The following LECT2 variants were observed in gnomAD, a reference collection of about 807,000 sequenced individuals.
LECT2 encodes the protein leukocyte cell derived chemotaxin 2, also known as leukocyte cell-derived chemotaxin-2.
Under a neutral mutation model 16.6 loss-of-function variants are expected in LECT2, and 11 were observed. The ratio of observed to expected loss-of-function variants is 0.66; its 90% CI spans 0.42 to 1.09. LECT2 has a LOEUF of 1.09. Ranked by LOEUF, LECT2 falls within the 50% of genes least tolerant of loss-of-function variation. The pLI is 0.00. For missense variants in LECT2, 173 were observed against 184.2 expected, an observed-to-expected ratio of 0.94 and a Z score of 0.35; for synonymous variants, 54 against 64.8, an observed-to-expected ratio of 0.83 and a Z score of 0.80.
chr5:135,947,422 GT>G lies in LECT2; in HGVS notation c.364del (p.Thr122LeufsTer76). 1 of 1,614,038 alleles carries G rather than the reference GT, an allele frequency of 6.2e-7. No homozygotes were observed. The highest frequency in any genetic ancestry group is 8.5e-7 in the Non-Finnish European group (1 of 1,179,936). ...GPIKKGEKLG[T>X]LLPLQKVYPG... is the part of the protein sequence containing the mutation. ...ATAAACTTTCTGCAAGGGCAATAGA[GT>G]TCCAAGTTTTTCTCCCTTCTTAATA... On this transcript the variant is annotated frameshift_variant, in exon 4 of 4. Coordinates refer to ENST00000274507, the MANE Select transcript of LECT2 (RefSeq NM_002302.3). LOFTEE classifies it high-confidence loss of function.
At chr5:135,949,480 C>G (rs927652252) in intron 3 of LECT2, among the ~76,000 whole-genome samples, 4 of 152,336 alleles carry the variant, frequency 2.6e-5, no homozygotes, top group Admixed American at 2.6e-4. Context: ...AGCCCCTAGT[C>G]TGACTGGTGA....
chr5:135,953,052 T>G, intron 1 of LECT2, 85 bp from the exon 2 acceptor site: 1 of 831,528 alleles, frequency 1.2e-6, no homozygotes, highest in Non-Finnish European at 2.0e-6. Flanking sequence ...CAGTTGATCC[T>G]GACAATTCTG....
In LECT2 at chr5:135,954,787, C is replaced by G. The variant is rs1384431103; in HGVS notation, c.46+1G>C. The G allele has an allele frequency of 6.2e-7, 1 of 1,610,708 alleles. No homozygotes were observed. The highest frequency in any genetic ancestry group is 1.3e-5 in the African/African-American group (1 of 74,858). Reference sequence around the variant, plus strand: ...ATTCTAAAATTGCACTTTCGACTTACCGGTAGAAATCAGACCAGCCAAAAG... The same window carrying G: ...ATTCTAAAATTGCACTTTCGACTTAGCGGTAGAAATCAGACCAGCCAAAAG... On this transcript the variant is annotated splice_donor_variant, in intron 1 of 3. Transcript: ENST00000274507. LOFTEE classifies it high-confidence loss of function.
intron 2 of LECT2, 50 bp from the exon 3 acceptor site, chr5:135,951,418 T>C: frequency 6.5e-7 from 1 of 1,548,222 alleles, no homozygotes; most frequent in Non-Finnish European, 8.8e-7. Context: ...TTAGGGGAGC[T>C]TTACTGCCTG....
In LECT2 at chr5:135,954,860, CT is replaced by C. The variant is rs1561586598; in HGVS notation, c.-28del. The stretch of plus-strand genomic sequence containing the variant: ...TGGTTTTACTTCCTTTAGTTTCTTC[CT>C]CTGATTAGAGTTGCCCCCACACTCT... On this transcript the variant is annotated 5_prime_UTR_variant, in exon 1 of 4. Transcript: ENST00000274507. The C allele has an allele frequency of 1.3e-6, 2 of 1,581,422 alleles. No homozygotes were observed.
intron 3 of LECT2, among the ~76,000 whole-genome samples, chr5:135,949,143 G>A (rs548133599): frequency 6.6e-6 from 1 of 152,200 alleles, no homozygotes; most frequent in Non-Finnish European, 1.5e-5. Context: ...AGTGAAGGAA[G>A]ACCTAAGTAA....
At chr5:135,949,484 C>T (rs1396710964) in intron 3 of LECT2, among the ~76,000 whole-genome samples, 2 of 152,208 alleles carry the variant, frequency 1.3e-5, no homozygotes, top group Non-Finnish European at 2.9e-5. Context: ...CCTAGTCTGA[C>T]TGGTGAACCA....
chr5:135,954,709 C>G (rs1031626251), intron 1 of LECT2, 79 bp downstream of exon 1: 15 of 1,031,928 alleles, frequency 1.5e-5, no homozygotes, highest in Non-Finnish European at 2.3e-5. Context: ...CTATTAATGA[C>G]TTTTTAATCT....
Position 135,954,960 on chromosome 5 carries a change from T to C in LECT2, c.-127A>G, listed in dbSNP as rs144971571. ...TTAGAATTCTGCATCTCTCATTTCTTTAGTGTGAGACACAAAAAGTTTAAG... is the reference window on the plus strand; with the variant it reads ...TTAGAATTCTGCATCTCTCATTTCTCTAGTGTGAGACACAAAAAGTTTAAG... On this transcript the variant is annotated 5_prime_UTR_variant, in exon 1 of 4. Coordinates refer to ENST00000274507, the MANE Select transcript of LECT2 (RefSeq NM_002302.3). 263 of 697,666 alleles carry C rather than the reference T, an allele frequency of 3.8e-4. 3 individuals are homozygous for C. The highest frequency in any genetic ancestry group is 3.4e-3 in the South Asian group (175 of 51,550). The allele number at this position is 697,666 out of a possible 1,614,324, so 43.2% of individuals were successfully genotyped here.
chr5:135,951,359 C>T lies in LECT2; in HGVS notation c.153G>A (p.Arg51=), dbSNP rs752403662. ...ACAAGATGTCCACACCCTGGTGAGG[C>T]CTCTGACTTCTAGGATGTAAATAAG... ...CGQYSAQRSQ[R]PHQGVDILCS... Residue 51 remains arginine, a synonymous_variant, in exon 3 of 4, where the codon AGG becomes AGA. Transcript: ENST00000274507. 7.7e-5 allele frequency: 124 copies of T among 1,613,180 alleles called. No individual in the cohort carries two copies. Among genetic ancestry groups the T allele is most frequent in the South Asian group, 3.6e-4 (33 of 90,824 alleles).
chr5:135,948,133 G>C (rs1763728992), intron 3 of LECT2, among the ~76,000 whole-genome samples: 1 of 152,202 alleles, frequency 6.6e-6, no homozygotes, highest in East Asian at 1.9e-4. Flanking sequence ...CAATAAGAAA[G>C]CAAGGGCTAT....
chr5:135,952,851 G>A lies in LECT2; in HGVS notation c.143+20C>T. 2 of 1,571,068 alleles carry A rather than the reference G, an allele frequency of 1.3e-6. No individual in the cohort carries two copies. Among genetic ancestry groups the A allele is most frequent in the East Asian group, 2.2e-5 (1 of 44,636 alleles). The stretch of plus-strand genomic sequence containing the variant: ...GGTTAGGGACCAAAGGGTTGGGTGG[G>A]TGGTTGTGCAACTTCATACCTTTGA... On this transcript the variant is annotated intron_variant, in intron 2 of 3. Transcript: ENST00000274507.
At chr5:135,953,525 C>T (rs1261229069) in intron 1 of LECT2, among the ~76,000 whole-genome samples, 1 of 152,116 alleles carries the variant, frequency 6.6e-6, no homozygotes, top group Non-Finnish European at 1.5e-5. Flanking sequence ...TAAGCATTGG[C>T]CTCCATCATT....
intron 3 of LECT2, among the ~76,000 whole-genome samples, chr5:135,949,493 CA>C (rs934956076): frequency 3.9e-5 from 6 of 152,218 alleles, no homozygotes; most frequent in Admixed American, 2.0e-4. Flanking sequence ...ACTGGTGAAC[CA>C]CAGTGGCCTT....
At chr5:135,953,814 T>C (rs1763826632) in intron 1 of LECT2, among the ~76,000 whole-genome samples, 1 of 152,076 alleles carries the variant, frequency 6.6e-6, no homozygotes, top group African/African-American at 2.4e-5. Flanking sequence ...AAGAGGGAGA[T>C]TCTTAAAAAT....
rs2126874827 is a variant in LECT2 at position 135,947,202 on chromosome 5, A to G, written c.*129T>C. 1.3e-6 allele frequency: 1 copy of G among 798,466 alleles called. No individual in the cohort carries two copies. Among genetic ancestry groups the G allele is most frequent in the East Asian group, 2.5e-5 (1 of 40,200 alleles). 49.5% of individuals were successfully genotyped at this position (798,466 alleles called of 1,614,324 possible). A position where few individuals can be genotyped will look rare whatever the true frequency, so the allele number is the denominator to read the frequency against. On this transcript the variant is annotated 3_prime_UTR_variant, in exon 4 of 4. Coordinates refer to ENST00000274507, the MANE Select transcript of LECT2 (RefSeq NM_002302.3). ...GCATGCAATGTGTAATAATCATGTC[A>G]TGGAAAATGGGGTATCCATCCCTTC...
intron 3 of LECT2, among the ~76,000 whole-genome samples, chr5:135,947,987 T>A (rs1426342298): frequency 6.6e-6 from 1 of 152,232 alleles, no homozygotes; most frequent in Non-Finnish European, 1.5e-5. Flanking sequence ...TTATCTTGCC[T>A]ATTAAAAGAT....
rs573640091 is a variant in LECT2 at position 135,948,080 on chromosome 5, CTGGACAAAGATTTGCCAAGCACA to C, written c.290-606_290-584del. Reference sequence around the variant, plus strand: ...GATTGAAAAGGCTGAAAGTGAAGAGCTGGACAAAGATTTGCCAAGCACATGGACAAAGATTTGCCAAGCAATAA... The same window carrying C: ...GATTGAAAAGGCTGAAAGTGAAGAGCTGGACAAAGATTTGCCAAGCAATAA... On this transcript the variant is annotated intron_variant, in intron 3 of 3. Transcript: ENST00000274507. 9.2e-3 allele frequency among the ~76,000 whole-genome samples: 1,397 copies of C among 152,246 alleles called. 8 individuals are homozygous for C. The highest frequency in any genetic ancestry group is 0.014 in the Non-Finnish European group (939 of 68,008).
intron 1 of LECT2, 70 bp downstream of exon 1, chr5:135,954,717 TC>T: frequency 9.1e-7 from 1 of 1,104,690 alleles, no homozygotes; most frequent in Non-Finnish European, 1.4e-6. Context: ...GACTTTTTAA[TC>T]TTTTTAGTCT....
Sources: allele counts gnomAD v4.1 joint callset (sites outside exome capture counted in the v4.1 genomes callset), GRCh38; gene constraint gnomAD v4.1.1; transcripts MANE v1.5; gene names NCBI Gene and HGNC (gene_info 2026-07-23, HGNC 2026-07-21).